Variants in DMD observed in about 807,000 individuals in gnomAD.
DMD encodes dystrophin.
Under a neutral mutation model 330.1 loss-of-function variants are expected in DMD, and 63 were observed. The observed-to-expected ratio is 0.19, with a 90% CI of 0.16 to 0.24. The LOEUF (loss-of-function observed/expected upper bound fraction) is 0.24. DMD is among the 10% of genes least tolerant of loss of function. The pLI is 1.00. For synonymous variants in DMD, 1,223 were observed against 959.8 expected, an observed-to-expected ratio of 1.27 and a Z score of -5.07; for missense variants, 3,344 against 2,684.1, an observed-to-expected ratio of 1.25 and a Z score of -5.43.
At chrX:32,176,896 T>C (rs2096908580) in intron 44 of DMD, among the ~76,000 whole-genome samples, 1 of 111,333 alleles carries the variant, frequency 9.0e-6, no homozygotes, top group African/African-American at 3.3e-5. Context: ...CTGCAACTCT[T>C]TTCCTCTCCC....
In DMD at chrX:33,119,192, AACATG is replaced by A. The variant is rs200405386; in HGVS notation, c.31+92085_31+92089del. Among the ~76,000 whole-genome samples, 709 of 112,646 alleles carry A rather than the reference AACATG, an allele frequency of 6.3e-3. 7 individuals are homozygous for A. The highest frequency in any genetic ancestry group is 0.022 in the African/African-American group (680 of 31,017). On this transcript the variant is annotated intron_variant, in intron 1 of 78. Transcript: ENST00000357033. Reference sequence around the variant, plus strand: ...ATATATAATAGAGAAGGAGGCATATAACATGACATATGTCAAAAATATGTCATATA... The same window carrying A: ...ATATATAATAGAGAAGGAGGCATATAACATATGTCAAAAATATGTCATATA...
intron 4 of DMD, among the ~76,000 whole-genome samples, chrX:32,827,065 C>CCACA (rs1557061628): frequency 0.02 from 1,372 of 68,646 alleles, 85 homozygotes; most frequent in African/African-American, 0.078. Context: ...CACCCCCCCC[C>CCACA]CACACACACA....
chrX:32,361,829 TC>T (rs1265547212), intron 37 of DMD, among the ~76,000 whole-genome samples: 2 of 111,622 alleles, frequency 1.8e-5, no homozygotes, highest in African/African-American at 6.5e-5. Context: ...AATGTTTTTT[TC>T]ATTTCAGATT....
chrX:32,564,191 G>A (rs2051408649), intron 16 of DMD, among the ~76,000 whole-genome samples: 1 of 112,026 alleles, frequency 8.9e-6, no homozygotes, highest in Non-Finnish European at 1.9e-5. Flanking sequence ...TGGCTACTAT[G>A]CAGACTCAAG....
In DMD at chrX:32,699,312, T is replaced by C. The variant is rs1474026152; in HGVS notation, c.650-19A>G. 2 of 1,169,734 alleles carry C rather than the reference T, an allele frequency of 1.7e-6. No homozygotes were observed. The highest frequency in any genetic ancestry group is 3.6e-5 in the South Asian group (2 of 56,011). ...TCAACATCTGTAAGCACATTAACAC[T>C]ACACATCAATTTTTGGTTTCTATAT... is the stretch of plus-strand genomic sequence containing the variant. On this transcript the variant is annotated intron_variant, in intron 7 of 78. Transcript: ENST00000357033.
chrX:31,683,729 A>T (rs1168915992), intron 52 of DMD, among the ~76,000 whole-genome samples: 1 of 112,305 alleles, frequency 8.9e-6, no homozygotes, highest in Admixed American at 9.4e-5. Context: ...GAGGAATATC[A>T]AGAAAGTGTA....
chrX:31,259,419 T>C (rs771001219), intron 63 of DMD, among the ~76,000 whole-genome samples: 1 of 112,068 alleles, frequency 8.9e-6, no homozygotes, highest in African/African-American at 3.2e-5. Flanking sequence ...TTCTCTCATT[T>C]GCCAAAAGAT....
intron 55 of DMD, among the ~76,000 whole-genome samples, chrX:31,527,820 G>T (rs1010019906): frequency 9.0e-6 from 1 of 111,353 alleles, no homozygotes; most frequent in African/African-American, 3.3e-5. Flanking sequence ...TTTCTTATTG[G>T]ATCAGTTCTA....
At chrX:33,060,877 T>C (rs6527253) in intron 1 of DMD, among the ~76,000 whole-genome samples, 30,901 of 108,697 alleles carry the variant, frequency 0.28, 3,681 homozygotes, top group East Asian at 0.68. Context: ...TTGAAAGTTA[T>C]GTATCACTTG....
intron 1 of DMD, among the ~76,000 whole-genome samples, chrX:33,243,750 G>A (rs917008244): frequency 9.0e-6 from 1 of 111,663 alleles, no homozygotes. Context: ...GGATGGAACC[G>A]GAGGCCATTA....
intron 1 of DMD, among the ~76,000 whole-genome samples, chrX:33,112,430 CA>C (rs1166460743): frequency 9.0e-6 from 1 of 111,433 alleles, no homozygotes; most frequent in Non-Finnish European, 1.9e-5. Context: ...TCTTCCTATT[CA>C]AAAATTATTT....
In DMD at chrX:33,171,286, G is replaced by T. The variant is rs776398555; in HGVS notation, c.31+39996C>A. ...TTATTGAGAAAGGGGAAGTAGTAGG[G>T]GAATCTATTTTGACCACCTCTCTGG... On this transcript the variant is annotated intron_variant, in intron 1 of 78. Transcript: ENST00000357033. 3.6e-5 allele frequency among the ~76,000 whole-genome samples: 4 copies of T among 110,567 alleles called. No homozygotes were observed. In the South Asian group the frequency reaches 1.5e-3, roughly 42 times the overall value.
chrX:32,835,737 A>C (rs2079558255), intron 4 of DMD, among the ~76,000 whole-genome samples: 1 of 111,656 alleles, frequency 9.0e-6, no homozygotes, highest in African/African-American at 3.3e-5. Flanking sequence ...AGAACTACAG[A>C]ATATGCTAGA....
chrX:31,687,001 G>A (rs1000253102), intron 52 of DMD, among the ~76,000 whole-genome samples: 1 of 111,057 alleles, frequency 9.0e-6, no homozygotes, highest in African/African-American at 3.3e-5. Context: ...ATGGGGCATG[G>A]GCAGAGTCAT....
At chrX:32,684,304 C>A (rs2062685978) in intron 9 of DMD, among the ~76,000 whole-genome samples, 1 of 111,322 alleles carries the variant, frequency 9.0e-6, no homozygotes, top group Non-Finnish European at 1.9e-5. Context: ...ATAATCTAAC[C>A]ATGTATCAGT....
chrX:32,663,876 G>GC (rs1445353559), intron 9 of DMD, among the ~76,000 whole-genome samples: 1 of 111,693 alleles, frequency 9.0e-6, no homozygotes, highest in African/African-American at 3.3e-5. Flanking sequence ...CCAGGTAGAG[G>GC]CATCTATGAC....
chrX:31,571,422 C>G (rs2075816617), intron 55 of DMD, among the ~76,000 whole-genome samples: 1 of 110,013 alleles, frequency 9.1e-6, no homozygotes, highest in Non-Finnish European at 1.9e-5. Flanking sequence ...TCTAACATTA[C>G]CATGTTCTAT....
chrX:32,003,565 A>G (rs907099478), intron 44 of DMD, among the ~76,000 whole-genome samples: 4 of 111,603 alleles, frequency 3.6e-5, no homozygotes, highest in African/African-American at 1.3e-4. Context: ...GAGCTATAAA[A>G]GATAGAATTT....
At chrX:32,150,460 A>G (rs2096798703) in intron 44 of DMD, among the ~76,000 whole-genome samples, 1 of 111,630 alleles carries the variant, frequency 9.0e-6, no homozygotes, top group South Asian at 3.8e-4. Flanking sequence ...TAACACTGCT[A>G]TATTTAACTC....
Sources: allele counts gnomAD v4.1 joint callset (sites outside exome capture counted in the v4.1 genomes callset), GRCh38; gene constraint gnomAD v4.1.1; transcripts MANE v1.5; gene names NCBI Gene and HGNC (gene_info 2026-07-23, HGNC 2026-07-21).